Variants in RSL24D1 observed in about 807,000 individuals in gnomAD.
RSL24D1 encodes probable ribosome biogenesis protein RLP24.
In RSL24D1, 6 loss-of-function variants were observed where a neutral mutation model predicts 26.2. The observed-to-expected ratio is 0.23, with a 90% CI of 0.13 to 0.45. RSL24D1 has a LOEUF of 0.45. Ranked by LOEUF, RSL24D1 falls within the 20% of genes least tolerant of loss-of-function variation. The probability of loss-of-function intolerance (pLI) is 0.99; values close to 1 mark genes in which losing one functional copy is unlikely to be tolerated. For missense variants in RSL24D1, 176 were observed against 202.6 expected (o/e 0.87, Z 0.80); for synonymous variants, 61 against 59.1 (o/e 1.03, Z -0.15).
chr15:55,195,999 TCAAATTCTGAGAAA>T (rs1228554842), intron 1 of RSL24D1, among the ~76,000 whole-genome samples: 1 of 152,122 alleles, frequency 6.6e-6, no homozygotes, highest in East Asian at 1.9e-4. Context: ...ACGTAAGAGA[TCAAATTCTGAGAAA>T]CAATGTGTTT....
chr15:55,190,301 C>G (rs777719091), intron 3 of RSL24D1, among the ~76,000 whole-genome samples: 3 of 127,966 alleles, frequency 2.3e-5, no homozygotes, highest in Non-Finnish European at 3.3e-5. Flanking sequence ...CAAACATACA[C>G]AAATGTGGTA....
In RSL24D1 at chr15:55,196,848, G is replaced by A. The variant is rs199532636; in HGVS notation, c.43C>T (p.Pro15Ser). 1.2e-6 allele frequency: 2 copies of A among 1,614,184 alleles called. No individual in the cohort carries two copies. Among genetic ancestry groups the A allele is most frequent in the Non-Finnish European group, 1.7e-6 (2 of 1,180,046 alleles). The change falls in exon 1 of 6, where the codon CCT becomes TCT. Residue 15 changes from proline (P) to serine (S), a missense_variant. Coordinates refer to ENST00000260443, the MANE Select transcript of RSL24D1 (RefSeq NM_016304.3). ...KCYFCSGPIY[P>S]GHGMMFVRND... ...CGGACGAACATCATGCCGTGTCCAG[G>A]ATAGATGGGCCCCGAACAGAAATAA...
chr15:55,194,903 G>A (rs1041829332), intron 1 of RSL24D1, among the ~76,000 whole-genome samples: 18 of 151,202 alleles, frequency 1.2e-4, no homozygotes, highest in African/African-American at 3.4e-4. Flanking sequence ...CACACCTGTA[G>A]TCCCAGCTAC....
At chr15:55,196,751 G>A (rs1894363462) in intron 1 of RSL24D1, 59 bp downstream of exon 1, 3 of 1,555,352 alleles carry the variant, frequency 1.9e-6, no homozygotes, top group South Asian at 2.2e-5. Flanking sequence ...GCACCGAGCC[G>A]CCGCGCCCAG....
chr15:55,182,656 G>C (rs1894181212), intron 5 of RSL24D1, among the ~76,000 whole-genome samples: 1 of 152,046 alleles, frequency 6.6e-6, no homozygotes, highest in South Asian at 2.1e-4. Flanking sequence ...TTGACTATCA[G>C]TTTGTTATCA....
chr15:55,187,394 T>C lies in RSL24D1; in HGVS notation c.269-1969A>G, dbSNP rs112474871. Among the ~76,000 whole-genome samples the C allele has an allele frequency of 8.2e-4, 125 of 152,288 alleles. 1 individual carries two copies. The highest frequency in any genetic ancestry group is 2.9e-3 in the African/African-American group (121 of 41,558). On this transcript the variant is annotated intron_variant, in intron 3 of 5. Coordinates refer to ENST00000260443, the MANE Select transcript of RSL24D1 (RefSeq NM_016304.3). Reference sequence around the variant, plus strand: ...TGGCAGGAAAATCCCTTCCAAAGAATAATATGCTGTATTTCCAAATATTCC... The same window carrying C: ...TGGCAGGAAAATCCCTTCCAAAGAACAATATGCTGTATTTCCAAATATTCC...
rs374949655 is a variant in RSL24D1 at position 55,191,056 on chromosome 15, G to T, written c.196-9C>A. ...AATTCAAATGAATTATCCTGTAAGAGGGAACAGAGGAGATAAAAATAAGGT... is the reference window on the plus strand; with the variant it reads ...AATTCAAATGAATTATCCTGTAAGATGGAACAGAGGAGATAAAAATAAGGT... On this transcript the variant is annotated splice_polypyrimidine_tract_variant and intron_variant, in intron 2 of 5. Coordinates refer to ENST00000260443, the MANE Select transcript of RSL24D1 (RefSeq NM_016304.3). The T allele has an allele frequency of 6.1e-4, 955 of 1,557,570 alleles. 3 individuals carry two copies. Among genetic ancestry groups the T allele is most frequent in the Admixed American group, 9.7e-4 (48 of 49,330 alleles).
intron 2 of RSL24D1, among the ~76,000 whole-genome samples, chr15:55,191,958 A>G (rs1167390129): frequency 6.6e-6 from 1 of 152,150 alleles, no homozygotes; most frequent in Admixed American, 6.5e-5. Flanking sequence ...AGTAATTATG[A>G]TTTGGCCTTG....
intron 3 of RSL24D1, among the ~76,000 whole-genome samples, chr15:55,188,269 T>C (rs16976116): frequency 0.31 from 47,049 of 152,090 alleles, 10,476 homozygotes; most frequent in African/African-American, 0.63. Flanking sequence ...GTATAAAATA[T>C]CATGAAACAA....
chr15:55,189,059 G>A lies in RSL24D1; in HGVS notation c.268+1916C>T, dbSNP rs376412016. Among the ~76,000 whole-genome samples, 11 of 152,022 alleles carry A rather than the reference G, an allele frequency of 7.2e-5. No homozygotes were observed. In the East Asian group the frequency reaches 1.4e-3, roughly 19 times the overall value. On this transcript the variant is annotated intron_variant, in intron 3 of 5. Transcript: ENST00000260443. ...TACAAAAAAATTAGCCGGGCGTGGC[G>A]GCGTGTGCCTGTAGTCCCAGCTACT... is the stretch of plus-strand genomic sequence containing the variant.
At chr15:55,182,766 T>C (rs1349607422) in intron 5 of RSL24D1, among the ~76,000 whole-genome samples, 1 of 152,224 alleles carries the variant, frequency 6.6e-6, no homozygotes, top group African/African-American at 2.4e-5. Context: ...GTACTCAATA[T>C]GTGATTACAG....
chr15:55,186,233 G>A (rs1379946162), intron 3 of RSL24D1, among the ~76,000 whole-genome samples: 2 of 152,086 alleles, frequency 1.3e-5, no homozygotes, highest in South Asian at 2.1e-4. Flanking sequence ...CAGTAGCTCA[G>A]ACACTTCTGA....
rs1894170310 is a variant in RSL24D1 at position 55,181,858 on chromosome 15, G to GTAA, written c.*293_*294insTTA. 1 of 267,384 alleles carries GTAA rather than the reference G, an allele frequency of 3.7e-6. No homozygotes were observed. Among genetic ancestry groups the GTAA allele is most frequent in the African/African-American group, 2.2e-5 (1 of 45,404 alleles). 16.6% of individuals were successfully genotyped at this position (267,384 alleles called of 1,614,324 possible). On this transcript the variant is annotated 3_prime_UTR_variant, in exon 6 of 6. Transcript: ENST00000260443. ...TTTTGCCATTAGTTACTATACAAATGCTGCCTAGTGCCATTATCCAAATAG... is the reference window on the plus strand; with the variant it reads ...TTTTGCCATTAGTTACTATACAAATGTAACTGCCTAGTGCCATTATCCAAATAG...
chr15:55,186,397 T>C (rs999655351), intron 3 of RSL24D1, among the ~76,000 whole-genome samples: 1 of 152,194 alleles, frequency 6.6e-6, no homozygotes, highest in Admixed American at 6.5e-5. Flanking sequence ...CACCTTAACC[T>C]AATGATCAAA....
intron 4 of RSL24D1, 123 bp from the exon 5 acceptor site, chr15:55,183,523 A>G: frequency 1.5e-6 from 1 of 665,872 alleles, no homozygotes; most frequent in Admixed American, 2.6e-5. Context: ...GAATGGAAAC[A>G]TGATGGCTGC....
intron 2 of RSL24D1, among the ~76,000 whole-genome samples, chr15:55,192,125 G>A (rs1293809008): frequency 6.6e-6 from 1 of 152,160 alleles, no homozygotes; most frequent in Non-Finnish European, 1.5e-5. Context: ...AGCCATGGAT[G>A]GAGAGGACAG....
intron 1 of RSL24D1, chr15:55,196,546 G>A: frequency 1.7e-6 from 1 of 588,856 alleles, no homozygotes; most frequent in Non-Finnish European, 3.1e-6. Context: ...CCTGGTAGGC[G>A]CTAGCTGGGA....
chr15:55,192,109 A>T lies in RSL24D1; in HGVS notation c.195+611T>A, dbSNP rs75831301. Reference sequence around the variant, plus strand: ...GAAATGGGTCATTGGTTTGGTGGGTAAAGGAAGCCATGGATGGAGAGGACA... The same window carrying T: ...GAAATGGGTCATTGGTTTGGTGGGTTAAGGAAGCCATGGATGGAGAGGACA... On this transcript the variant is annotated intron_variant, in intron 2 of 5. Coordinates refer to ENST00000260443, the MANE Select transcript of RSL24D1 (RefSeq NM_016304.3). Among the ~76,000 whole-genome samples, 844 of 152,276 alleles carry T rather than the reference A, an allele frequency of 5.5e-3. 15 individuals carry two copies. Among genetic ancestry groups the T allele is most frequent in the African/African-American group, 0.02 (820 of 41,564 alleles).
At chr15:55,193,160 G>C (rs986469789) in intron 1 of RSL24D1, among the ~76,000 whole-genome samples, 7 of 152,162 alleles carry the variant, frequency 4.6e-5, no homozygotes, top group African/African-American at 1.7e-4. Flanking sequence ...AAAATTCACT[G>C]TCTTTATACC....
Sources: allele counts gnomAD v4.1 joint callset (sites outside exome capture counted in the v4.1 genomes callset), GRCh38; gene constraint gnomAD v4.1.1; transcripts MANE v1.5; gene names NCBI Gene and HGNC (gene_info 2026-07-23, HGNC 2026-07-21).